Variants in EXOC4 observed in about 807,000 individuals in gnomAD.
EXOC4 encodes the protein SEC8-like 1.
EXOC4 carries 71 observed loss-of-function variants against 107.2 expected under a neutral mutation model. The ratio of observed to expected loss-of-function variants is 0.66; its 90% CI spans 0.55 to 0.81. The LOEUF (loss-of-function observed/expected upper bound fraction) is 0.81, where lower values mean the gene tolerates loss of function less well. Ranked by LOEUF, EXOC4 falls within the 30% of genes least tolerant of loss-of-function variation. The pLI is 0.00. For synonymous variants in EXOC4, 456 were observed against 441.2 expected (o/e 1.03, Z -0.42); for missense variants, 1,108 against 1,189.6 (o/e 0.93, Z 1.01).
intron 9 of EXOC4, among the ~76,000 whole-genome samples, chr7:133,520,138 A>G (rs1799953357): frequency 6.6e-6 from 1 of 152,234 alleles, no homozygotes; most frequent in African/African-American, 2.4e-5. Context: ...ATCCAAACAT[A>G]TAAAATTAAA....
chr7:133,659,595 C>T (rs1415686394), intron 10 of EXOC4, among the ~76,000 whole-genome samples: 1 of 152,122 alleles, frequency 6.6e-6, no homozygotes, highest in Non-Finnish European at 1.5e-5. Flanking sequence ...AGCAGGGGTT[C>T]TTATTGTAAG....
In EXOC4 at chr7:133,408,596, G is replaced by A. The variant is rs534266770; in HGVS notation, c.1182+33594G>A. Reference sequence around the variant, plus strand: ...ATGGAGGTGATGGTGTTATGGTGGTGGCAGCTGCCACTTACTTAGGATTTC... The same window carrying A: ...ATGGAGGTGATGGTGTTATGGTGGTAGCAGCTGCCACTTACTTAGGATTTC... On this transcript the variant is annotated intron_variant, in intron 7 of 17. Transcript: ENST00000253861. Among the ~76,000 whole-genome samples the A allele has an allele frequency of 5.9e-5, 9 of 152,094 alleles. No individual in the cohort carries two copies. The East Asian group carries it at 1.6e-3, about 26-fold the overall frequency.
At chr7:133,443,646 C>T (rs186920355) in intron 7 of EXOC4, among the ~76,000 whole-genome samples, 2 of 152,232 alleles carry the variant, frequency 1.3e-5, no homozygotes, top group African/African-American at 4.8e-5. Flanking sequence ...CTCCTGGGGG[C>T]ATCAGTGGGT....
chr7:134,031,783 G>A (rs192069672), intron 17 of EXOC4, among the ~76,000 whole-genome samples: 260 of 152,356 alleles, frequency 1.7e-3, no homozygotes, highest in Middle Eastern at 3.4e-3. Context: ...ATAAACCCAT[G>A]AAGTTAAGAA....
intron 9 of EXOC4, among the ~76,000 whole-genome samples, chr7:133,521,939 GTA>G (rs1799988592): frequency 1.3e-5 from 2 of 151,424 alleles, no homozygotes; most frequent in African/African-American, 2.4e-5. Flanking sequence ...TCTGTTTTAT[GTA>G]TGTGTTTGTA....
chr7:133,939,719 A>G (rs193205508), intron 14 of EXOC4, among the ~76,000 whole-genome samples: 2 of 152,328 alleles, frequency 1.3e-5, no homozygotes, highest in South Asian at 2.1e-4. Context: ...TCAGAAATCT[A>G]TAAGAATAGA....
intron 9 of EXOC4, chr7:133,551,648 T>G (rs982705213): frequency 6.6e-6 from 1 of 152,192 alleles, no homozygotes; most frequent in Non-Finnish European, 1.5e-5. Context: ...TTCTGTCACA[T>G]GCTGATATAG....
chr7:133,768,076 G>C (rs1442229426), intron 10 of EXOC4: 1 of 151,954 alleles, frequency 6.6e-6, no homozygotes, highest in Admixed American at 6.6e-5. Flanking sequence ...ATTGTCAGGA[G>C]CGGAAATGAA....
chr7:133,507,849 G>T (rs1799694660), intron 9 of EXOC4, among the ~76,000 whole-genome samples: 1 of 152,104 alleles, frequency 6.6e-6, no homozygotes, highest in Non-Finnish European at 1.5e-5. Flanking sequence ...ACCACCTAAG[G>T]TCAGGAGTTC....
chr7:133,702,349 T>TTCCCTCCCC (rs1794683682), intron 10 of EXOC4, among the ~76,000 whole-genome samples: 2 of 140,864 alleles, frequency 1.4e-5, no homozygotes, highest in East Asian at 2.3e-4. Flanking sequence ...TTCTCTTCCC[T>TTCCCTCCCC]TCCCATCTTG....
chr7:133,917,629 G>C lies in EXOC4; in HGVS notation c.1918G>C (p.Ala640Pro), dbSNP rs929005895. The stretch of plus-strand genomic sequence containing the variant: ...AAAACTTGTCATCAGTGCATCCTGG[G>C]CAAAAGATGATGATATCAGCAGACT... Reference protein sequence around the residue: ...EEKLVISASWAKDDDISRLLK... With the variant: ...EEKLVISASWPKDDDISRLLK... The change falls in exon 13 of 18, where the codon GCA becomes CCA. Residue 640 changes from alanine to proline, a missense_variant. By Grantham distance (27) the Ala-to-Pro change is conservative. Transcript: ENST00000253861. 2 of 1,614,046 alleles carry C rather than the reference G, an allele frequency of 1.2e-6. No homozygotes were observed. Among genetic ancestry groups the C allele is most frequent in the Admixed American group, 3.3e-5 (2 of 60,020 alleles).
rs757128533 is a variant in EXOC4 at position 133,255,297 on chromosome 7, T to C, written c.86+2110T>C. On this transcript the variant is annotated intron_variant, in intron 1 of 17. Transcript: ENST00000253861. ...GTTCAAGTGATTCTTCTGCTTCAGC[T>C]TCCCGCATAGCTGGGATTATAGGCG... Among the ~76,000 whole-genome samples the C allele has an allele frequency of 4.6e-5, 7 of 152,150 alleles. No individual in the cohort carries two copies. The East Asian group carries it at 1.2e-3, about 25-fold the overall frequency.
At chr7:133,450,041 T>A (rs1321907673) in intron 7 of EXOC4, among the ~76,000 whole-genome samples, 3 of 152,210 alleles carry the variant, frequency 2.0e-5, no homozygotes, top group Admixed American at 6.5e-5. Context: ...AAAAATCTTA[T>A]CCTGGTATCT....
intron 9 of EXOC4, among the ~76,000 whole-genome samples, chr7:133,555,430 C>G (rs1223092216): frequency 1.3e-5 from 2 of 151,934 alleles, no homozygotes; most frequent in Non-Finnish European, 2.9e-5. Context: ...CTCTAAGAAC[C>G]TAGGTTTATA....
At chr7:133,973,290 A>G (rs1316126003) in intron 14 of EXOC4, among the ~76,000 whole-genome samples, 7 of 152,236 alleles carry the variant, frequency 4.6e-5, no homozygotes, top group African/African-American at 1.7e-4. Flanking sequence ...AGGGGAATGT[A>G]AGTATCAAGG....
chr7:133,920,225 G>A (rs1336370405), intron 13 of EXOC4, among the ~76,000 whole-genome samples: 1 of 152,042 alleles, frequency 6.6e-6, no homozygotes, highest in Non-Finnish European at 1.5e-5. Flanking sequence ...ATTTTAATTG[G>A]GTTATGGGTG....
At chr7:133,585,434 A>C (rs555593538) in intron 9 of EXOC4, among the ~76,000 whole-genome samples, 2 of 152,286 alleles carry the variant, frequency 1.3e-5, no homozygotes, top group South Asian at 4.1e-4. Context: ...TACTCTGGGC[A>C]GTGGTGATAC....
chr7:133,576,172 G>A (rs1313706354), intron 9 of EXOC4, among the ~76,000 whole-genome samples: 3 of 152,042 alleles, frequency 2.0e-5, no homozygotes, highest in South Asian at 4.1e-4. Context: ...CCCAACCCCC[G>A]TTATGTATTT....
intron 17 of EXOC4, among the ~76,000 whole-genome samples, chr7:134,026,626 C>T (rs576320092): frequency 1.5e-4 from 22 of 151,550 alleles, no homozygotes; most frequent in Non-Finnish European, 3.1e-4. Context: ...CACTACCATA[C>T]TGAGTTTATT....
Sources: gnomAD v4.1 joint callset for allele counts (sites outside exome capture counted in the v4.1 genomes callset) on GRCh38, gnomAD v4.1.1 for gene constraint, MANE v1.5 for transcripts, NCBI Gene and HGNC (gene_info 2026-07-23, HGNC 2026-07-21) for gene names.